The following RTL4 variants were observed in gnomAD, a reference collection of about 807,000 sequenced individuals.
RTL4 encodes the protein retrotransposon Gag like 4, also known as retrotransposon Gag-like protein 4.
A neutral mutation model predicts 5.3 loss-of-function variants in RTL4; 4 were observed. The observed-to-expected ratio is 0.75, with a 90% CI of 0.37 to 1.72. The LOEUF (loss-of-function observed/expected upper bound fraction) is 1.72. RTL4 is among the 40% of genes most tolerant of loss of function. The probability of loss-of-function intolerance (pLI) is 0.04; values close to 1 mark genes in which losing one functional copy is unlikely to be tolerated. For missense variants in RTL4, 260 were observed against 227.1 expected (o/e 1.14, Z -0.93); for synonymous variants, 98 against 87.3 (o/e 1.12, Z -0.68).
At chrX:112,392,231 A>C in the RTL4 span, among the ~76,000 whole-genome samples, 23 of 112,090 alleles carry the variant, frequency 2.1e-4, no homozygotes, top group Non-Finnish European at 3.8e-4. Flanking sequence ...CTGGCTCCAT[A>C]GCTCTGGTGG....
At chrX:112,369,702 G>C in the RTL4 span, among the ~76,000 whole-genome samples, 1 of 112,098 alleles carries the variant, frequency 8.9e-6, no homozygotes, top group Admixed American at 9.5e-5. Context: ...TAGGGGTTTT[G>C]AGCAGAGCAA....
chrX:112,416,277 A>G, the RTL4 span, among the ~76,000 whole-genome samples: 1 of 111,895 alleles, frequency 8.9e-6, no homozygotes, highest in East Asian at 2.8e-4. Context: ...TAAAGACTGT[A>G]TTTCCAAATC....
the RTL4 span, among the ~76,000 whole-genome samples, chrX:112,130,111 T>G: frequency 3.6e-5 from 4 of 110,979 alleles, no homozygotes; most frequent in South Asian, 3.7e-4. Context: ...AATGCTAGGG[T>G]TTTTTTGAAA....
At chrX:112,443,327 C>T in the RTL4 span, among the ~76,000 whole-genome samples, 2 of 111,727 alleles carry the variant, frequency 1.8e-5, no homozygotes, top group Admixed American at 1.9e-4. Flanking sequence ...TTTATCTAGT[C>T]CTCTGTTCAT....
the RTL4 span, among the ~76,000 whole-genome samples, chrX:112,268,834 C>T: frequency 2.2e-4 from 25 of 111,918 alleles, no homozygotes; most frequent in Non-Finnish European, 4.3e-4. Flanking sequence ...ACAAAAAGAG[C>T]TCATTATCTT....
chrX:112,157,054 G>A, the RTL4 span, among the ~76,000 whole-genome samples: 5 of 101,498 alleles, frequency 4.9e-5, no homozygotes, highest in Non-Finnish European at 1.0e-4. Flanking sequence ...CATGGTGTCT[G>A]TTATACTGTT....
At chrX:112,270,790 G>A in the RTL4 span, among the ~76,000 whole-genome samples, 1 of 110,358 alleles carries the variant, frequency 9.1e-6, no homozygotes, top group Admixed American at 9.8e-5. Flanking sequence ...AGTAAAGGAG[G>A]CTCTCTCAAG....
the RTL4 span, among the ~76,000 whole-genome samples, chrX:112,156,786 T>A: frequency 0.17 from 18,762 of 110,636 alleles, 2,089 homozygotes; most frequent in African/African-American, 0.41. Context: ...AGCGACTCAG[T>A]CTAAATTCCT....
chrX:112,302,903 C>G, the RTL4 span, among the ~76,000 whole-genome samples: 5 of 112,365 alleles, frequency 4.4e-5, no homozygotes, highest in African/African-American at 1.6e-4. Context: ...TCCCAAACTT[C>G]ACTATTCTAA....
the RTL4 span, among the ~76,000 whole-genome samples, chrX:112,430,611 G>A: frequency 9.0e-6 from 1 of 110,984 alleles, no homozygotes; most frequent in African/African-American, 3.3e-5. Context: ...TTCTTGAGAC[G>A]GATTCTCACT....
At chrX:112,315,691 T>G in the RTL4 span, among the ~76,000 whole-genome samples, 2 of 111,826 alleles carry the variant, frequency 1.8e-5, no homozygotes, top group Non-Finnish European at 3.8e-5. Flanking sequence ...ATGGCATTTA[T>G]TACATGTCTC....
chrX:112,283,212 T>C, the RTL4 span, among the ~76,000 whole-genome samples: 1 of 111,679 alleles, frequency 9.0e-6, no homozygotes, highest in Non-Finnish European at 1.9e-5. Context: ...TTCTTAAGGA[T>C]CACCTAGGAA....
the RTL4 span, among the ~76,000 whole-genome samples, chrX:112,350,802 C>A: frequency 1.8e-5 from 2 of 110,982 alleles, no homozygotes; most frequent in South Asian, 7.6e-4. Context: ...TTTTGTTGAT[C>A]TTTTCAAAAA....
the RTL4 span, among the ~76,000 whole-genome samples, chrX:112,173,479 C>T: frequency 3.5e-4 from 39 of 111,157 alleles, no homozygotes; most frequent in Admixed American, 3.5e-3. Context: ...TTTCTCATTA[C>T]TAAAATGGGG....
chrX:112,453,201 C>A (rs1457606678), upstream of RTL4, among the ~76,000 whole-genome samples: 1 of 110,781 alleles, frequency 9.0e-6, no homozygotes, highest in African/African-American at 3.3e-5. Context: ...AGAAAATGAG[C>A]CATCAAATAA....
At chrX:112,325,123 C>A in the RTL4 span, among the ~76,000 whole-genome samples, 350 of 111,409 alleles carry the variant, frequency 3.1e-3, 1 homozygote, top group African/African-American at 0.011. Flanking sequence ...AGGAGAACTA[C>A]AAACCGCTGC....
the RTL4 span, among the ~76,000 whole-genome samples, chrX:112,309,831 T>TACATATATGTATACACATATATAC: frequency 2.3e-4 from 25 of 107,315 alleles, no homozygotes; most frequent in African/African-American, 6.4e-4. Context: ...TACATATATA[T>TACATATATGTATACACATATATAC]ACATATATGT....
the RTL4 span, among the ~76,000 whole-genome samples, chrX:112,084,658 C>T: frequency 1.2e-4 from 13 of 111,150 alleles, no homozygotes; most frequent in Admixed American, 3.8e-4. Flanking sequence ...AATATGTGAC[C>T]GTGGATAAAA....
the RTL4 span, among the ~76,000 whole-genome samples, chrX:112,413,076 T>A: frequency 8.9e-6 from 1 of 112,012 alleles, no homozygotes; most frequent in East Asian, 2.8e-4. Flanking sequence ...AAGGAAGACA[T>A]GCAAATGGCA....
Sources: gnomAD v4.1 joint callset for allele counts (sites outside exome capture counted in the v4.1 genomes callset) on GRCh38, gnomAD v4.1.1 for gene constraint, MANE v1.5 for transcripts, NCBI Gene and HGNC (gene_info 2026-07-23, HGNC 2026-07-21) for gene names.